The following SPON1 variants were observed in gnomAD, a reference collection of about 807,000 sequenced individuals.
The protein encoded by SPON1 is spondin 1.
Under a neutral mutation model 111.7 loss-of-function variants are expected in SPON1, and 52 were observed. The ratio of observed to expected loss-of-function variants is 0.47; its 90% CI spans 0.37 to 0.59. The LOEUF is 0.59. SPON1 is among the 20% of genes least tolerant of loss of function. The probability of loss-of-function intolerance (pLI) is 0.00; values close to 1 mark genes in which losing one functional copy is unlikely to be tolerated. For synonymous variants in SPON1, 410 were observed against 395.8 expected (o/e 1.04, Z -0.43); for missense variants, 957 against 1,068.5 (o/e 0.90, Z 1.46).
chr11:14,008,041 T>A (rs1337675988), intron 2 of SPON1, among the ~76,000 whole-genome samples: 2 of 152,210 alleles, frequency 1.3e-5, no homozygotes, highest in East Asian at 3.8e-4. Context: ...TCACACTTTC[T>A]GGGGATTAGA....
chr11:13,993,366 T>TTTCA (rs1212316025), intron 2 of SPON1, among the ~76,000 whole-genome samples: 8 of 151,170 alleles, frequency 5.3e-5, no homozygotes, highest in African/African-American at 1.9e-4. Flanking sequence ...CTCTCTTTGA[T>TTTCA]GAGATAGCTG....
At chr11:14,058,307 A>T (rs1012897422) in intron 3 of SPON1, among the ~76,000 whole-genome samples, 2 of 152,098 alleles carry the variant, frequency 1.3e-5, no homozygotes, top group Non-Finnish European at 2.9e-5. Context: ...GACAGCAAGG[A>T]TACAGAGCTG....
rs576111548 is a variant in SPON1, at chr11:14,022,390, T to G, written c.346-19131T>G. On this transcript the variant is annotated intron_variant, in intron 2 of 15. Transcript: ENST00000576479. ...GTTCTCACTTTTATATCTTAGTCAT[T>G]ACTTACTCATACATTGATGTTTACT... Among the ~76,000 whole-genome samples the G allele has an allele frequency of 3.3e-5, 5 of 152,332 alleles. No homozygotes were observed. In the South Asian group the frequency reaches 1.0e-3, roughly 32 times the overall value.
intron 6 of SPON1, among the ~76,000 whole-genome samples, chr11:14,146,394 C>T (rs1198774511): frequency 6.6e-6 from 1 of 152,130 alleles, no homozygotes; most frequent in African/African-American, 2.4e-5. Context: ...AGGTGATCCA[C>T]CTGCCTTGGC....
chr11:14,166,828 C>A (rs1224337019), intron 6 of SPON1, among the ~76,000 whole-genome samples: 5 of 152,118 alleles, frequency 3.3e-5, no homozygotes, highest in Non-Finnish European at 7.4e-5. Flanking sequence ...CTATTTGAAA[C>A]TTTTTCTTCT....
chr11:14,105,554 T>C (rs918136345), intron 5 of SPON1, among the ~76,000 whole-genome samples: 1 of 152,182 alleles, frequency 6.6e-6, no homozygotes, highest in East Asian at 1.9e-4. Context: ...TTTCATTTCA[T>C]GGTTTATTGA....
rs1234385264 is a variant in SPON1 at position 14,265,688 on chromosome 11, C to G, written c.*1C>G. 3.1e-6 allele frequency: 5 copies of G among 1,612,754 alleles called. No homozygotes were observed. The Middle Eastern group carries it at 6.6e-4, about 212-fold the overall frequency. The stretch of plus-strand genomic sequence containing the variant: ...AGCATGCAATGTTCATCCTTGTTAG[C>G]AAGGGTACGAGTTCCCCAGGGCTGC... On this transcript the variant is annotated 3_prime_UTR_variant, in exon 16 of 16. Transcript: ENST00000576479.
At chr11:14,044,491 A>T (rs1335476086) in intron 3 of SPON1, among the ~76,000 whole-genome samples, 1 of 152,204 alleles carries the variant, frequency 6.6e-6, no homozygotes, top group African/African-American at 2.4e-5. Context: ...GCGCACCTGT[A>T]GTCCCAGATA....
chr11:14,008,572 T>C (rs887465404), intron 2 of SPON1, among the ~76,000 whole-genome samples: 3 of 152,320 alleles, frequency 2.0e-5, no homozygotes, highest in Middle Eastern at 3.4e-3. Flanking sequence ...AAGAAATCCC[T>C]GGACCTGGAC....
chr11:14,130,344 C>G (rs950317553), intron 5 of SPON1, among the ~76,000 whole-genome samples: 8 of 152,072 alleles, frequency 5.3e-5, no homozygotes, highest in East Asian at 3.9e-4. Flanking sequence ...GCTGAGTGCC[C>G]TTGGTGGTAA....
chr11:14,235,472 A>G (rs1207504866), intron 6 of SPON1, among the ~76,000 whole-genome samples: 1 of 152,092 alleles, frequency 6.6e-6, no homozygotes, highest in Non-Finnish European at 1.5e-5. Context: ...TGAGCCCAGG[A>G]GTGTGAGGCC....
chr11:14,205,716 A>G (rs1848510484), intron 6 of SPON1, among the ~76,000 whole-genome samples: 1 of 152,078 alleles, frequency 6.6e-6, no homozygotes, highest in Non-Finnish European at 1.5e-5. Context: ...TAAAATTCTC[A>G]CGAGACTTCC....
chr11:14,014,708 G>C (rs1281986543), intron 2 of SPON1, among the ~76,000 whole-genome samples: 6 of 152,184 alleles, frequency 3.9e-5, no homozygotes, highest in African/African-American at 1.4e-4. Flanking sequence ...ATCTTCAACT[G>C]TAAACTAAAG....
intron 6 of SPON1, among the ~76,000 whole-genome samples, chr11:14,169,490 C>T (rs1554932203): frequency 6.6e-6 from 1 of 151,938 alleles, no homozygotes; most frequent in Non-Finnish European, 1.5e-5. Flanking sequence ...TCTGCAGAAG[C>T]TCTTGAGTTT....
chr11:14,198,610 T>G (rs1848427285), intron 6 of SPON1, among the ~76,000 whole-genome samples: 1 of 152,250 alleles, frequency 6.6e-6, no homozygotes. Flanking sequence ...TCTTCCAAGC[T>G]GGTGTTTCTG....
chr11:14,201,949 T>C (rs1554935673), intron 6 of SPON1, among the ~76,000 whole-genome samples: 1 of 152,186 alleles, frequency 6.6e-6, no homozygotes, highest in African/African-American at 2.4e-5. Flanking sequence ...CTCATTCTCT[T>C]ATAATTAAAC....
Position 13,996,218 on chromosome 11 carries a change from T to G in SPON1, c.345+13265T>G, listed in dbSNP as rs553903258. Reference sequence around the variant, plus strand: ...AGGGGATAAATGACATTCTGTCCCTTCCCCTTCCCTTGAGGAGCTCACTTG... The same window carrying G: ...AGGGGATAAATGACATTCTGTCCCTGCCCCTTCCCTTGAGGAGCTCACTTG... On this transcript the variant is annotated intron_variant, in intron 2 of 15. Transcript: ENST00000576479. 1.8e-4 allele frequency among the ~76,000 whole-genome samples: 27 copies of G among 152,350 alleles called. No individual in the cohort carries two copies. The South Asian group carries it at 5.4e-3, about 30-fold the overall frequency.
chr11:14,102,604 A>G (rs1271549796), intron 5 of SPON1, among the ~76,000 whole-genome samples: 1 of 152,222 alleles, frequency 6.6e-6, no homozygotes, highest in Admixed American at 6.5e-5. Flanking sequence ...GTCTAAGATT[A>G]TATACTGCAT....
chr11:14,053,281 T>C (rs1471849253), intron 3 of SPON1, among the ~76,000 whole-genome samples: 3 of 152,184 alleles, frequency 2.0e-5, no homozygotes, highest in African/African-American at 7.2e-5. Flanking sequence ...CCCTTATTCA[T>C]TGAGCAGTTT....
Sources: allele counts gnomAD v4.1 joint callset (sites outside exome capture counted in the v4.1 genomes callset), GRCh38; gene constraint gnomAD v4.1.1; transcripts MANE v1.5; gene names NCBI Gene and HGNC (gene_info 2026-07-23, HGNC 2026-07-21).